COG3: variants seen among roughly 807,000 people sequenced by gnomAD.
COG3 encodes the protein component of oligomeric golgi complex 3, also known as conserved oligomeric Golgi complex subunit 3.
In COG3, 32 loss-of-function variants were observed where a neutral mutation model predicts 114.1. The observed-to-expected ratio is 0.28, with a 90% confidence interval of 0.21 to 0.38. The LOEUF (loss-of-function observed/expected upper bound fraction) is 0.38, where lower values mean the gene tolerates loss of function less well. Ranked by LOEUF, COG3 falls within the 10% of genes least tolerant of loss-of-function variation. COG3 has a pLI of 1.00. For synonymous variants in COG3, 352 were observed against 365.7 expected (o/e 0.96, Z 0.43); for missense variants, 813 against 973.2 (o/e 0.84, Z 2.19).
In COG3 at chr13:45,500,568, T is replaced by C. The variant is rs374854977; in HGVS notation, c.1489-2676T>C. 2.0e-4 allele frequency among the ~76,000 whole-genome samples: 30 copies of C among 152,310 alleles called. 1 individual carries two copies. The South Asian group carries it at 5.8e-3, about 29-fold the overall frequency. On this transcript the variant is annotated intron_variant, in intron 13 of 22. Transcript: ENST00000349995. The stretch of plus-strand genomic sequence containing the variant: ...TTAAAGTAGACTTTGTATTGTAAGA[T>C]AGTTTGAGATTTACAGAAAAATTGA...
chr13:45,469,226 T>G (rs1026793236), intron 1 of COG3, among the ~76,000 whole-genome samples: 2 of 152,196 alleles, frequency 1.3e-5, no homozygotes, highest in Non-Finnish European at 2.9e-5. Flanking sequence ...ATATATTTAC[T>G]CACATCTAGG....
chr13:45,514,241 A>G (rs1362218341), intron 16 of COG3, among the ~76,000 whole-genome samples: 1 of 137,106 alleles, frequency 7.3e-6, no homozygotes, highest in Admixed American at 8.5e-5. Flanking sequence ...GCTCACTGCA[A>G]CCTCCACCTC....
chr13:45,533,270 A>C (rs529957793), intron 22 of COG3, among the ~76,000 whole-genome samples: 34 of 152,126 alleles, frequency 2.2e-4, no homozygotes, highest in African/African-American at 8.2e-4. Context: ...GATGTGGAGT[A>C]CTTGATCATA....
At position 45,522,188 on chromosome 13, in the gene COG3, C is replaced by A. The variant is rs570784399; in HGVS notation, c.2155-2788C>A. Among the ~76,000 whole-genome samples, 48 of 152,208 alleles carry A rather than the reference C, an allele frequency of 3.2e-4. 1 individual carries two copies. The South Asian group carries it at 8.5e-3, about 27-fold the overall frequency. On this transcript the variant is annotated intron_variant, in intron 19 of 22. Coordinates refer to ENST00000349995, the MANE Select transcript of COG3 (RefSeq NM_031431.4). ...CATAGGTACAGATGGGAAAGTCTTT[C>A]ATCTCATTTGGATGTGTGTTTGTAG...
intron 11 of COG3, 69 bp from the exon 12 acceptor site, chr13:45,493,278 G>A: frequency 7.9e-7 from 1 of 1,261,818 alleles, no homozygotes; most frequent in Non-Finnish European, 1.1e-6. Context: ...AAATCAATGA[G>A]GATTTCTAAA....
chr13:45,484,865 C>T (rs1886479941), intron 7 of COG3, among the ~76,000 whole-genome samples: 1 of 146,174 alleles, frequency 6.8e-6, no homozygotes, highest in Non-Finnish European at 1.5e-5. Flanking sequence ...GCCCTTAATC[C>T]ATTTAACCCT....
At chr13:45,513,710 A>G (rs1371297349) in intron 16 of COG3, among the ~76,000 whole-genome samples, 4 of 151,594 alleles carry the variant, frequency 2.6e-5, no homozygotes, top group African/African-American at 9.7e-5. Context: ...GGGACTAGAA[A>G]TAAAGTTATA....
chr13:45,483,796 T>G (rs1156614957), intron 7 of COG3, among the ~76,000 whole-genome samples: 1 of 152,154 alleles, frequency 6.6e-6, no homozygotes, highest in Non-Finnish European at 1.5e-5. Context: ...TTCTTTACCC[T>G]TTTTTTGTAT....
rs534331072 is a variant in COG3, at chr13:45,527,727, C to T, written c.2231-2064C>T. ...AGGACACTTTAGTCACCAGCCTGTG[C>T]ACCCACTCTCTGCTTATCAAGGGCT... On this transcript the variant is annotated intron_variant, in intron 20 of 22. Coordinates refer to ENST00000349995, the MANE Select transcript of COG3 (RefSeq NM_031431.4). Among the ~76,000 whole-genome samples, 126 of 152,264 alleles carry T rather than the reference C, an allele frequency of 8.3e-4. 1 individual carries two copies. Among genetic ancestry groups the T allele is most frequent in the Non-Finnish European group, 1.5e-3 (99 of 68,026 alleles).
chr13:45,519,128 T>A, intron 19 of COG3, 34 bp downstream of exon 19: 1 of 1,607,248 alleles, frequency 6.2e-7, no homozygotes, highest in East Asian at 2.2e-5. Context: ...GTAAAGTCAT[T>A]TTGCATTCTT....
intron 16 of COG3, among the ~76,000 whole-genome samples, chr13:45,515,481 A>G (rs991419658): frequency 6.6e-6 from 1 of 152,212 alleles, no homozygotes; most frequent in Non-Finnish European, 1.5e-5. Flanking sequence ...CTTTTCTGAA[A>G]TGAGAGCTAT....
At chr13:45,521,353 A>C (rs906855392) in intron 19 of COG3, among the ~76,000 whole-genome samples, 3 of 152,210 alleles carry the variant, frequency 2.0e-5, no homozygotes, top group African/African-American at 7.2e-5. Context: ...ATTAGAAGCC[A>C]GTCTCATCCT....
intron 22 of COG3, 95 bp downstream of exon 22, chr13:45,530,875 T>C: frequency 7.3e-7 from 1 of 1,375,058 alleles, no homozygotes; most frequent in Non-Finnish European, 9.5e-7. Flanking sequence ...TTTTTAGTAT[T>C]AATTTAAAAA....
In COG3 at chr13:45,479,215, T is replaced by A. The variant is rs1886098569; in HGVS notation, c.383+149T>A. 6.4e-6 allele frequency: 4 copies of A among 623,166 alleles called. No individual in the cohort carries two copies. In the South Asian group the frequency reaches 8.3e-5, roughly 13 times the overall value. 38.6% of individuals were successfully genotyped at this position (623,166 alleles called of 1,614,324 possible). A position where few individuals can be genotyped will look rare whatever the true frequency, so the allele number is the denominator to read the frequency against. On this transcript the variant is annotated intron_variant, in intron 3 of 22. Transcript: ENST00000349995. ...CTTTAAGAATAGCCAGTGAGAAGAT[T>A]TGGGTCTTTAAAACTGTTATTTAGA...
intron 16 of COG3, among the ~76,000 whole-genome samples, chr13:45,515,161 A>G (rs371670981): frequency 6.6e-6 from 1 of 152,232 alleles, no homozygotes; most frequent in African/African-American, 2.4e-5. Context: ...TCTTTTAAAA[A>G]TAGAGCAAGT....
rs770079268 is a variant in COG3 at position 45,530,640 on chromosome 13, A to G, written c.2359-42A>G. ...TTAACATTCATGGTGCTTCGTGTTT[A>G]AGACAACTCATTTGATAAGATCTCC... On this transcript the variant is annotated intron_variant, in intron 21 of 22. Transcript: ENST00000349995. 54 of 1,213,284 alleles carry G rather than the reference A, an allele frequency of 4.5e-5. 1 individual carries two copies. The Middle Eastern group carries it at 5.7e-4, about 13-fold the overall frequency. The allele number at this position is 1,213,284 out of a possible 1,614,324, so 75.2% of individuals were successfully genotyped here. A position where few individuals can be genotyped will look rare whatever the true frequency, so the allele number is the denominator to read the frequency against.
chr13:45,534,497 CT>C lies in COG3; in HGVS notation c.2458-194del, dbSNP rs563869882. 7.0e-3 allele frequency: 2,613 copies of C among 375,918 alleles called. 3 individuals are homozygous for C. Among genetic ancestry groups the C allele is most frequent in the African/African-American group, 0.013 (584 of 46,628 alleles). 23.3% of individuals were successfully genotyped at this position (375,918 alleles called of 1,614,324 possible). On this transcript the variant is annotated intron_variant, in intron 22 of 22. Coordinates refer to ENST00000349995, the MANE Select transcript of COG3 (RefSeq NM_031431.4). Reference sequence around the variant, plus strand: ...ATTCTGTTTTTGGGGCTCTAAACAACTTTTTTTTTTTCCATTCTAATTGCTT... The same window carrying C: ...ATTCTGTTTTTGGGGCTCTAAACAACTTTTTTTTTTCCATTCTAATTGCTT...
Position 45,530,758 on chromosome 13 carries a change from T to C in COG3, c.2435T>C (p.Ile812Thr), listed in dbSNP as rs371985919. 2.3e-5 allele frequency: 37 copies of C among 1,612,950 alleles called. No individual in the cohort carries two copies. The highest frequency in any genetic ancestry group is 2.9e-5 in the Non-Finnish European group (34 of 1,179,060). ...EEFSPEDIQI[I>T]ACPSMEQLSL... is the part of the protein sequence containing the mutation. Reference sequence around the variant, plus strand: ...TTCAGCCCTGAAGACATCCAGATCATTGCCTGTCCATCTATGGAACAGGTA... The same window carrying C: ...TTCAGCCCTGAAGACATCCAGATCACTGCCTGTCCATCTATGGAACAGGTA... Residue 812 changes from isoleucine to threonine, a missense_variant, in exon 22 of 23, where the codon ATT becomes ACT. By Grantham distance (89) the Ile-to-Thr change is moderately conservative (BLOSUM62 -1). Around this residue, in one of 2 missense-constraint regions of COG3, gnomAD observed 389 missense variants for 542.6 expected, o/e 0.72. Transcript: ENST00000349995.
chr13:45,479,315 A>C (rs1490481607), intron 3 of COG3, among the ~76,000 whole-genome samples: 1 of 152,268 alleles, frequency 6.6e-6, no homozygotes, highest in Admixed American at 6.5e-5. Context: ...GTTTTTAGAT[A>C]GCTCCAGAAA....
Sources: allele counts gnomAD v4.1 joint callset (sites outside exome capture counted in the v4.1 genomes callset), GRCh38; gene constraint gnomAD v4.1.1; regional missense constraint gnomAD v4.1.1; transcripts MANE v1.5; gene names NCBI Gene and HGNC (gene_info 2026-07-23, HGNC 2026-07-21).